The following POLQ variants were observed in gnomAD, a reference collection of about 807,000 sequenced individuals.
POLQ encodes the protein DNA polymerase theta.
A neutral mutation model predicts 259.2 loss-of-function variants in POLQ; 233 were observed. The observed-to-expected ratio is 0.90, with a 90% confidence interval of 0.81 to 1.00. The LOEUF (loss-of-function observed/expected upper bound fraction) is 1.00. Among genes scored for constraint, POLQ ranks in the 50% least tolerant of loss-of-function variants. POLQ has a pLI of 0.00. For missense variants in POLQ, 2,871 were observed against 3,051.6 expected, an observed-to-expected ratio of 0.94 and a Z score of 1.39; for synonymous variants, 1,025 against 1,048.8, an observed-to-expected ratio of 0.98 and a Z score of 0.44.
intron 22 of POLQ, among the ~76,000 whole-genome samples, chr3:121,471,693 A>C (rs2047885014): frequency 6.6e-6 from 1 of 152,092 alleles, no homozygotes; most frequent in African/African-American, 2.4e-5. Context: ...AGGGAGGTGG[A>C]GGTTGCAGGG....
At position 121,502,851 on chromosome 3, in the gene POLQ, G is replaced by T. The variant is rs138471960; in HGVS notation, c.1960-4181C>A. 9.3e-3 allele frequency among the ~76,000 whole-genome samples: 1,411 copies of T among 151,922 alleles called. 11 individuals are homozygous for T. The highest frequency in any genetic ancestry group is 0.013 in the Non-Finnish European group (899 of 67,980). On this transcript the variant is annotated intron_variant, in intron 12 of 29. Coordinates refer to ENST00000264233, the MANE Select transcript of POLQ (RefSeq NM_199420.4). ...TGGCACAAAAAAAGGAATCAAAATAGAGTTATTTAAGAATACTTCTTTATT... is the reference window on the plus strand; with the variant it reads ...TGGCACAAAAAAAGGAATCAAAATATAGTTATTTAAGAATACTTCTTTATT...
intron 7 of POLQ, among the ~76,000 whole-genome samples, chr3:121,525,399 T>C (rs1308695002): frequency 2.0e-5 from 3 of 151,568 alleles, no homozygotes; most frequent in East Asian, 1.9e-4. Context: ...TAACTGGAAG[T>C]AGATCATCAT....
At chr3:121,479,315 C>A in intron 19 of POLQ, among the ~76,000 whole-genome samples, 1 of 146,978 alleles carries the variant, frequency 6.8e-6, no homozygotes, top group South Asian at 2.1e-4. Flanking sequence ...AGTTTGAGAC[C>A]AGCCTGGGCA....
In POLQ at chr3:121,481,644, A is replaced by G; in HGVS notation, c.6139T>C (p.Ser2047Pro). 6.2e-7 allele frequency: 1 copy of G among 1,614,054 alleles called. No individual in the cohort carries two copies. The highest frequency in any genetic ancestry group is 1.3e-5 in the African/African-American group (1 of 75,062). The stretch of plus-strand genomic sequence containing the variant: ...TTGAAGATGAGAATGGACTCCACAG[A>G]TGCTCTGTATCGCCCAGAATGCTCA... ...GSEHSGRYRA[S>P]VESILIFNSM... Residue 2047 changes from serine to proline, a missense_variant, in exon 19 of 30, where the codon TCT (serine) becomes CCT (proline). Physicochemically the swap from Ser to Pro is moderately conservative, Grantham distance 74. Around this residue, in one of 3 missense-constraint regions of POLQ, gnomAD observed 2,080 missense variants for 2,126.0 expected, o/e 0.98. Transcript: ENST00000264233.
intron 16 of POLQ, 130 bp downstream of exon 16, chr3:121,487,172 T>C (rs2108797026): frequency 1.8e-6 from 1 of 562,778 alleles, no homozygotes; most frequent in South Asian, 3.0e-5. Context: ...TACACATAAA[T>C]CCACAGAGGA....
intron 25 of POLQ, among the ~76,000 whole-genome samples, chr3:121,453,599 G>A (rs2047700850): frequency 6.6e-6 from 1 of 152,216 alleles, no homozygotes; most frequent in African/African-American, 2.4e-5. Flanking sequence ...GAATGCAGAA[G>A]CCTCAGGAGC....
At chr3:121,449,163 G>A in intron 26 of POLQ, 152 bp downstream of exon 26, 1 of 500,186 alleles carries the variant, frequency 2.0e-6, no homozygotes, top group Non-Finnish European at 3.6e-6. Flanking sequence ...ATCTTAGTAA[G>A]TGATTATAAG....
At chr3:121,540,488 T>C (rs2048482359) in intron 3 of POLQ, among the ~76,000 whole-genome samples, 1 of 152,232 alleles carries the variant, frequency 6.6e-6, no homozygotes, top group Non-Finnish European at 1.5e-5. Flanking sequence ...TTTAATAAAA[T>C]ATTGTATTTG....
chr3:121,489,721 C>T lies in POLQ; in HGVS notation c.3210G>A (p.Gln1070=), dbSNP rs141721468. ...SGACRIHLQG[Q]TLSNPSLCED... is the part of the protein sequence containing the mutation. Reference sequence around the variant, plus strand: ...CACAAAGACTAGGATTAGACAGAGTCTGTCCTTGTAAATGGATTCTACACG... The same window carrying T: ...CACAAAGACTAGGATTAGACAGAGTTTGTCCTTGTAAATGGATTCTACACG... Residue 1070 remains glutamine (Q), a synonymous_variant, in exon 16 of 30, where the codon CAG becomes CAA. Coordinates refer to ENST00000264233, the MANE Select transcript of POLQ (RefSeq NM_199420.4). 22 of 1,612,666 alleles carry T rather than the reference C, an allele frequency of 1.4e-5. No individual in the cohort carries two copies. Among genetic ancestry groups the T allele is most frequent in the Non-Finnish European group, 1.7e-5 (20 of 1,179,714 alleles).
intron 12 of POLQ, among the ~76,000 whole-genome samples, chr3:121,500,504 A>G (rs1338685772): frequency 1.3e-5 from 2 of 152,218 alleles, no homozygotes; most frequent in Non-Finnish European, 2.9e-5. Flanking sequence ...GCAAACATGA[A>G]TAGATTAATA....
chr3:121,435,867 G>A (rs2047539127), intron 28 of POLQ, among the ~76,000 whole-genome samples: 1 of 152,076 alleles, frequency 6.6e-6, no homozygotes, highest in African/African-American at 2.4e-5. Context: ...GTCAAAATAT[G>A]GTGAGTTTGT....
chr3:121,466,127 G>A (rs2047833520), intron 24 of POLQ, among the ~76,000 whole-genome samples: 1 of 152,030 alleles, frequency 6.6e-6, no homozygotes, highest in South Asian at 2.1e-4. Flanking sequence ...GAAAATTTAA[G>A]TGGTCTGGAT....
chr3:121,434,922 CT>C lies in POLQ; in HGVS notation c.7543+1199del, dbSNP rs537531740. ...AATCCCAACACTTTGGGAAGCCAAGCTTGGCAGACAGATCACTTGAGGTCAG... is the reference window on the plus strand; with the variant it reads ...AATCCCAACACTTTGGGAAGCCAAGCTGGCAGACAGATCACTTGAGGTCAG... On this transcript the variant is annotated intron_variant, in intron 28 of 29. Transcript: ENST00000264233. Among the ~76,000 whole-genome samples the C allele has an allele frequency of 3.2e-3, 481 of 152,212 alleles. 8 individuals are homozygous for C. The highest frequency in any genetic ancestry group is 0.011 in the African/African-American group (458 of 41,528).
intron 5 of POLQ, among the ~76,000 whole-genome samples, chr3:121,536,889 C>A (rs1325643937): frequency 6.6e-6 from 1 of 152,118 alleles, no homozygotes; most frequent in Non-Finnish European, 1.5e-5. Context: ...AGTGATCCTC[C>A]CACATCAGCC....
chr3:121,453,406 T>C (rs1048615410), intron 25 of POLQ, among the ~76,000 whole-genome samples: 5 of 151,928 alleles, frequency 3.3e-5, no homozygotes, highest in Admixed American at 1.3e-4. Flanking sequence ...CTTTGACGAG[T>C]TGAGAGAAGA....
In POLQ at chr3:121,489,696, C is replaced by T. The variant is rs2048048519; in HGVS notation, c.3235G>A (p.Glu1079Lys). Residue 1079 changes from glutamate to lysine, a missense_variant, in exon 16 of 30, where the codon GAA (glutamate) becomes AAA (lysine). Glu to Lys is a moderately conservative substitution (Grantham distance 56). Coordinates refer to ENST00000264233, the MANE Select transcript of POLQ (RefSeq NM_199420.4). ...GQTLSNPSLC[E>K]DPFTLDEKKT... ...TTCTCATCTAAGGTAAACGGGTCTT[C>T]ACAAAGACTAGGATTAGACAGAGTC... 1 of 1,613,396 alleles carries T rather than the reference C, an allele frequency of 6.2e-7. No homozygotes were observed. The highest frequency in any genetic ancestry group is 1.1e-5 in the South Asian group (1 of 90,982).
intron 22 of POLQ, among the ~76,000 whole-genome samples, chr3:121,471,660 T>A (rs558040384): frequency 4.3e-4 from 66 of 152,224 alleles, no homozygotes; most frequent in Middle Eastern, 3.4e-3. Flanking sequence ...GAGAATCACT[T>A]GAACCTGGGA....
rs200917913 is a variant in POLQ, at chr3:121,509,652, A to T, written c.1868T>A (p.Leu623His). Residue 623 changes from leucine (L) to histidine (H), a missense_variant, in exon 12 of 30, where the codon CTT (leucine) becomes CAT (histidine). Physicochemically the swap from Leu to His is moderately conservative, Grantham distance 99. Transcript: ENST00000264233. ...AATATCTAAAGTATCAGCTGGAGAAAGTGAAGAAGAAAGAGTGGCCGAACC... is the reference window on the plus strand; with the variant it reads ...AATATCTAAAGTATCAGCTGGAGAATGTGAAGAAGAAAGAGTGGCCGAACC... ...HLGSATLSSS[L>H]SPADTLDIFA... is the part of the protein sequence containing the mutation. The T allele has an allele frequency of 7.3e-5, 118 of 1,613,826 alleles. No individual in the cohort carries two copies. Among genetic ancestry groups the T allele is most frequent in the Non-Finnish European group, 1.0e-5 (12 of 1,179,806 alleles).
chr3:121,514,012 A>C (rs1470617552), intron 9 of POLQ, among the ~76,000 whole-genome samples: 1 of 135,036 alleles, frequency 7.4e-6, no homozygotes, highest in Non-Finnish European at 1.6e-5. Context: ...ACAAGAGTGA[A>C]ACTCCATCTC....
Sources: allele counts gnomAD v4.1 joint callset (sites outside exome capture counted in the v4.1 genomes callset), GRCh38; gene constraint gnomAD v4.1.1; regional missense constraint gnomAD v4.1.1; transcripts MANE v1.5; gene names NCBI Gene and HGNC (gene_info 2026-07-23, HGNC 2026-07-21).